Variants in AGBL4 observed in about 807,000 individuals in gnomAD.
The protein encoded by AGBL4 is cytosolic carboxypeptidase 6.
In AGBL4, 58 loss-of-function variants were observed where a neutral mutation model predicts 66.4. The observed-to-expected ratio is 0.87, with a 90% confidence interval of 0.71 to 1.09. AGBL4 has a LOEUF of 1.09. Ranked by LOEUF, AGBL4 falls within the 50% of genes least tolerant of loss-of-function variation. The probability of loss-of-function intolerance (pLI) is 0.00; values close to 1 mark genes in which losing one functional copy is unlikely to be tolerated. For synonymous variants in AGBL4, 234 were observed against 222.9 expected, an observed-to-expected ratio of 1.05 and a Z score of -0.44; for missense variants, 579 against 631.0, an observed-to-expected ratio of 0.92 and a Z score of 0.88.
intron 9 of AGBL4, among the ~76,000 whole-genome samples, chr1:48,592,545 G>T (rs927155226): frequency 6.6e-6 from 1 of 152,250 alleles, no homozygotes; most frequent in Non-Finnish European, 1.5e-5. Flanking sequence ...TTTGGAGGTG[G>T]AATACACAAT....
chr1:49,057,288 C>T (rs143858333), intron 4 of AGBL4, among the ~76,000 whole-genome samples: 2 of 152,188 alleles, frequency 1.3e-5, no homozygotes, highest in African/African-American at 2.4e-5. Context: ...TGCGGTGGCA[C>T]GAACCTATAG....
At chr1:49,191,480 G>A (rs561678448) in intron 4 of AGBL4, among the ~76,000 whole-genome samples, 223 of 152,240 alleles carry the variant, frequency 1.5e-3, no homozygotes, top group South Asian at 7.0e-3. Flanking sequence ...TTTATTTTAC[G>A]TTCAGGAAGT....
intron 6 of AGBL4, among the ~76,000 whole-genome samples, chr1:48,788,031 A>G (rs991455453): frequency 9.2e-5 from 14 of 152,220 alleles, no homozygotes; most frequent in African/African-American, 3.4e-4. Context: ...AAAAGTGAAA[A>G]GTGCACAGGC....
chr1:49,278,358 G>T (rs185650789), intron 3 of AGBL4, among the ~76,000 whole-genome samples: 50 of 152,252 alleles, frequency 3.3e-4, no homozygotes, highest in Admixed American at 1.0e-3. Flanking sequence ...AAAAGCTTTG[G>T]TGGATAACAA....
chr1:49,953,923 T>C (rs1656371732), intron 1 of AGBL4, among the ~76,000 whole-genome samples: 1 of 151,902 alleles, frequency 6.6e-6, no homozygotes, highest in Admixed American at 6.6e-5. Context: ...TACGGGGTCT[T>C]GCTCTGTCAC....
intron 3 of AGBL4, among the ~76,000 whole-genome samples, chr1:49,504,975 T>G (rs1024935825): frequency 4.6e-5 from 7 of 152,040 alleles, no homozygotes; most frequent in Admixed American, 3.9e-4. Flanking sequence ...TGTAGTGGTA[T>G]GCTTTGATTC....
chr1:49,501,320 A>G (rs955604910), intron 3 of AGBL4, among the ~76,000 whole-genome samples: 3 of 152,024 alleles, frequency 2.0e-5, no homozygotes, highest in African/African-American at 7.2e-5. Flanking sequence ...ACTCCAAAAG[A>G]ATTTCCTTTG....
intron 3 of AGBL4, among the ~76,000 whole-genome samples, chr1:49,536,229 A>C (rs1322814900): frequency 6.6e-6 from 1 of 152,176 alleles, no homozygotes; most frequent in Non-Finnish European, 1.5e-5. Context: ...GCAAAATGGA[A>C]AGAGTTGTGG....
chr1:49,499,334 T>C (rs892740335), intron 3 of AGBL4, among the ~76,000 whole-genome samples: 1 of 152,028 alleles, frequency 6.6e-6, no homozygotes, highest in Non-Finnish European at 1.5e-5. Context: ...ATCCAATTTG[T>C]TGGTATATAA....
intron 3 of AGBL4, among the ~76,000 whole-genome samples, chr1:49,267,192 T>C (rs766716970): frequency 2.0e-5 from 3 of 152,246 alleles, no homozygotes; most frequent in Non-Finnish European, 2.9e-5. Flanking sequence ...TCCCAAAAGA[T>C]GATGTGTAGT....
intron 3 of AGBL4, among the ~76,000 whole-genome samples, chr1:49,583,777 C>T (rs1644592540): frequency 6.6e-6 from 1 of 152,152 alleles, no homozygotes; most frequent in African/African-American, 2.4e-5. Context: ...CACTGGGGTT[C>T]CCCTCAGTAA....
At chr1:49,690,251 T>G (rs1646862226) in intron 3 of AGBL4, among the ~76,000 whole-genome samples, 1 of 152,176 alleles carries the variant, frequency 6.6e-6, no homozygotes, top group South Asian at 2.1e-4. Flanking sequence ...ACCAAAAAAT[T>G]CATGTGACTC....
intron 5 of AGBL4, among the ~76,000 whole-genome samples, chr1:48,987,139 AG>A: frequency 6.6e-6 from 1 of 151,968 alleles, no homozygotes; most frequent in East Asian, 1.9e-4. Flanking sequence ...TCCCCAAAGA[AG>A]GAAAAAAAAG....
intron 6 of AGBL4, among the ~76,000 whole-genome samples, chr1:48,672,634 C>T (rs1646294736): frequency 6.6e-6 from 1 of 152,182 alleles, no homozygotes; most frequent in Non-Finnish European, 1.5e-5. Context: ...CCAGTGGGCC[C>T]CTTCCCTATG....
chr1:49,599,328 T>G lies in AGBL4; in HGVS notation c.282+97985A>C, dbSNP rs559293759. ...GATTCTACTTCTTCCTGGTTTAGAC[T>G]TGGGAGGGTGTATGTGTCCAGGAAT... On this transcript the variant is annotated intron_variant, in intron 3 of 13. Transcript: ENST00000371839. 1.1e-4 allele frequency among the ~76,000 whole-genome samples: 16 copies of G among 152,360 alleles called. No homozygotes were observed. In the East Asian group the frequency reaches 3.1e-3, roughly 29 times the overall value.
chr1:49,131,217 G>C (rs1645888366), intron 4 of AGBL4, among the ~76,000 whole-genome samples: 2 of 152,012 alleles, frequency 1.3e-5, no homozygotes, highest in African/African-American at 4.8e-5. Context: ...GTAGATCAGT[G>C]GTTGCTTGGG....
intron 3 of AGBL4, among the ~76,000 whole-genome samples, chr1:49,402,326 C>T (rs1645103291): frequency 6.6e-6 from 1 of 152,126 alleles, no homozygotes; most frequent in Admixed American, 6.6e-5. Context: ...TAAAAACTTT[C>T]CACTTCACAC....
Position 48,755,877 on chromosome 1 carries a change from T to C in AGBL4, c.635-92636A>G, listed in dbSNP as rs113909638. Among the ~76,000 whole-genome samples, 480 of 152,342 alleles carry C rather than the reference T, an allele frequency of 3.2e-3. 8 individuals carry two copies. The highest frequency in any genetic ancestry group is 0.026 in the South Asian group (125 of 4,832). On this transcript the variant is annotated intron_variant, in intron 6 of 13. Coordinates refer to ENST00000371839, the MANE Select transcript of AGBL4 (RefSeq NM_032785.4). ...CATTTGGTCAATGTTAGCTGACTGA[T>C]TGAATAAACAAATGAACAAACATAT...
At chr1:48,718,897 C>A (rs1474466715) in intron 6 of AGBL4, among the ~76,000 whole-genome samples, 1 of 152,184 alleles carries the variant, frequency 6.6e-6, no homozygotes, top group African/African-American at 2.4e-5. Flanking sequence ...AGGGCAGTGC[C>A]TGTTAGTGAG....
Sources: allele counts gnomAD v4.1 joint callset (sites outside exome capture counted in the v4.1 genomes callset), GRCh38; gene constraint gnomAD v4.1.1; transcripts MANE v1.5; gene names NCBI Gene and HGNC (gene_info 2026-07-23, HGNC 2026-07-21).